LRRC69: variants seen among roughly 807,000 people sequenced by gnomAD.
The protein encoded by LRRC69 is leucine rich repeat containing 69.
A neutral mutation model predicts 37.8 loss-of-function variants in LRRC69; 42 were observed. That is an observed-to-expected ratio of 1.11 (90% confidence interval 0.87 to 1.44). LRRC69 has a LOEUF of 1.44. LRRC69 is among the 40% of genes most tolerant of loss of function. The probability of loss-of-function intolerance (pLI) is 0.00; values close to 1 mark genes in which losing one functional copy is unlikely to be tolerated. For synonymous variants in LRRC69, 141 were observed against 143.1 expected, an observed-to-expected ratio of 0.99 and a Z score of 0.11; for missense variants, 357 against 401.9, an observed-to-expected ratio of 0.89 and a Z score of 0.96.
intron 3 of LRRC69, among the ~76,000 whole-genome samples, chr8:91,128,645 T>A (rs1813758725): frequency 6.6e-6 from 1 of 152,096 alleles, no homozygotes; most frequent in Admixed American, 6.6e-5. Flanking sequence ...GTTTTGACAG[T>A]TAAGCAAATT....
intron 5 of LRRC69, among the ~76,000 whole-genome samples, chr8:91,183,586 G>A (rs1488105890): frequency 6.6e-6 from 1 of 151,822 alleles, no homozygotes; most frequent in Non-Finnish European, 1.5e-5. Flanking sequence ...CTTTGCCATA[G>A]AGATTTAATC....
At chr8:91,118,246 T>C (rs776962098) in intron 1 of LRRC69, 1 of 454,786 alleles carries the variant, frequency 2.2e-6, no homozygotes, top group Non-Finnish European at 4.4e-6. Context: ...GGCTCATGCC[T>C]GTAATCCCAG....
intron 1 of LRRC69, among the ~76,000 whole-genome samples, chr8:91,113,972 C>CAAAAAAAAAAAAAAAAAAAAAA (rs34806474): frequency 1.7e-5 from 1 of 60,486 alleles, no homozygotes; most frequent in Non-Finnish European, 2.8e-5. Flanking sequence ...AGACTTGTCT[C>CAAAAAAAAAAAAAAAAAAAAAA]AAAAAAAAAA....
At chr8:91,143,156 T>G (rs975931334) in intron 5 of LRRC69, among the ~76,000 whole-genome samples, 5 of 152,064 alleles carry the variant, frequency 3.3e-5, no homozygotes, top group Admixed American at 6.6e-5. Flanking sequence ...AATCTAAAAT[T>G]GGAGAGATTT....
chr8:91,208,411 T>A (rs1156699219), intron 7 of LRRC69, among the ~76,000 whole-genome samples: 3 of 152,090 alleles, frequency 2.0e-5, no homozygotes, highest in Non-Finnish European at 4.4e-5. Flanking sequence ...GGCAATATTA[T>A]TAAAAGGTGG....
At chr8:91,204,110 A>T (rs1207382538) in intron 7 of LRRC69, among the ~76,000 whole-genome samples, 2 of 149,254 alleles carry the variant, frequency 1.3e-5, no homozygotes, top group Non-Finnish European at 3.0e-5. Context: ...CAACAGAGAA[A>T]GACTCCATCT....
At chr8:91,156,069 G>A (rs1227571315) in intron 5 of LRRC69, among the ~76,000 whole-genome samples, 1 of 150,734 alleles carries the variant, frequency 6.6e-6, no homozygotes, top group Non-Finnish European at 1.5e-5. Context: ...GGAAATAGTA[G>A]TGGTAGTGCT....
chr8:91,165,191 G>C (rs1172803973), intron 5 of LRRC69, among the ~76,000 whole-genome samples: 2 of 151,730 alleles, frequency 1.3e-5, no homozygotes, highest in African/African-American at 4.8e-5. Flanking sequence ...CCATATCTTA[G>C]AGTCTTTGCT....
At chr8:91,217,001 C>T (rs922731600) in intron 7 of LRRC69, among the ~76,000 whole-genome samples, 1 of 152,102 alleles carries the variant, frequency 6.6e-6, no homozygotes, top group African/African-American at 2.4e-5. Context: ...CCCAGCTCAC[C>T]TTTTTCTTAT....
chr8:91,178,578 G>C (rs1318256073), intron 5 of LRRC69, among the ~76,000 whole-genome samples: 1 of 152,162 alleles, frequency 6.6e-6, no homozygotes. Flanking sequence ...ACATTAGGCT[G>C]GTGCTCACAA....
chr8:91,171,959 T>TAAA (rs397739183), intron 5 of LRRC69, among the ~76,000 whole-genome samples: 31 of 150,832 alleles, frequency 2.1e-4, no homozygotes, highest in South Asian at 4.2e-4. Context: ...GTTTTTTTTT[T>TAAA]AAAAAATGGA....
chr8:91,137,455 C>T (rs1024988154), intron 5 of LRRC69, among the ~76,000 whole-genome samples: 8 of 151,968 alleles, frequency 5.3e-5, no homozygotes, highest in African/African-American at 1.9e-4. Context: ...CCTGCAGTGT[C>T]TTGAATTTTA....
intron 5 of LRRC69, among the ~76,000 whole-genome samples, chr8:91,152,411 C>T (rs1481857922): frequency 6.6e-6 from 1 of 151,456 alleles, no homozygotes; most frequent in Admixed American, 6.6e-5. Flanking sequence ...CTTGTTTTGT[C>T]AGGTTTGTTG....
At chr8:91,215,551 G>T (rs1352168749) in intron 7 of LRRC69, among the ~76,000 whole-genome samples, 1 of 152,052 alleles carries the variant, frequency 6.6e-6, no homozygotes, top group African/African-American at 2.4e-5. Flanking sequence ...GTGTTTGTTT[G>T]CTTTAGAAAA....
At chr8:91,155,093 GA>G (rs1808809652) in intron 5 of LRRC69, among the ~76,000 whole-genome samples, 1 of 151,380 alleles carries the variant, frequency 6.6e-6, no homozygotes, top group Non-Finnish European at 1.5e-5. Context: ...GACAAGCAGA[GA>G]GCCAAATCAT....
At chr8:91,197,911 C>A (rs953355619) in intron 6 of LRRC69, among the ~76,000 whole-genome samples, 20 of 152,292 alleles carry the variant, frequency 1.3e-4, no homozygotes, top group Admixed American at 3.9e-4. Flanking sequence ...GTGGAAGTAG[C>A]TATCTATGCC....
intron 5 of LRRC69, among the ~76,000 whole-genome samples, chr8:91,147,225 A>G (rs1808635828): frequency 6.9e-6 from 1 of 145,534 alleles, no homozygotes; most frequent in South Asian, 2.1e-4. Context: ...TCATATGAAT[A>G]TAGCTATATT....
At chr8:91,154,172 T>A (rs927839118) in intron 5 of LRRC69, among the ~76,000 whole-genome samples, 1 of 151,412 alleles carries the variant, frequency 6.6e-6, no homozygotes. Flanking sequence ...CAGGAAGAAG[T>A]CAAATTCTTG....
intron 5 of LRRC69, among the ~76,000 whole-genome samples, chr8:91,177,485 G>C (rs1483992413): frequency 1.3e-5 from 2 of 151,984 alleles, no homozygotes; most frequent in Non-Finnish European, 2.9e-5. Context: ...TGTTTAAGAA[G>C]AATTATAGTT....
Sources: allele counts gnomAD v4.1 joint callset (sites outside exome capture counted in the v4.1 genomes callset), GRCh38; gene constraint gnomAD v4.1.1; transcripts MANE v1.5; gene names NCBI Gene and HGNC (gene_info 2026-07-23, HGNC 2026-07-21).